The following C1RL variants were observed in gnomAD, a reference collection of about 807,000 sequenced individuals.
C1RL encodes complement C1r subcomponent-like protein.
A neutral mutation model predicts 27.9 loss-of-function variants in C1RL; 27 were observed. The ratio of observed to expected loss-of-function variants is 0.97; its 90% confidence interval spans 0.71 to 1.33. The LOEUF (loss-of-function observed/expected upper bound fraction) is 1.33, where lower values mean the gene tolerates loss of function less well. Ranked by LOEUF, C1RL falls within the 40% of genes most tolerant of loss-of-function variation. The pLI, the probability that C1RL is intolerant of heterozygous loss-of-function variation, is 0.00. For synonymous variants in C1RL, 248 were observed against 252.1 expected, an observed-to-expected ratio of 0.98 and a Z score of 0.15; for missense variants, 563 against 623.9, an observed-to-expected ratio of 0.90 and a Z score of 1.04.
At chr12:7,101,126 CTT>C (rs1938610104) in intron 3 of C1RL, among the ~76,000 whole-genome samples, 2 of 2,386 alleles carry the variant, frequency 8.4e-4, no homozygotes, top group African/African-American at 3.3e-3. Context: ...TCCCTCCCTC[CTT>C]CTTCCCTCCC....
Position 7,096,134 on chromosome 12 carries a change from C to T in C1RL, c.*257G>A, listed in dbSNP as rs1656159938. On this transcript the variant is annotated 3_prime_UTR_variant, in exon 6 of 6. Transcript: ENST00000266542. ...TTGAGATGTACAGGCTTCCCGGGGC[C>T]TAGTGCATGAGCACAGGGAGGTAGA... is the stretch of plus-strand genomic sequence containing the variant. The T allele has an allele frequency of 7.9e-7, 1 of 1,264,334 alleles. No homozygotes were observed. The highest frequency in any genetic ancestry group is 2.6e-5 in the South Asian group (1 of 38,720). The allele number at this position is 1,264,334 out of a possible 1,614,324, so 78.3% of individuals were successfully genotyped here. A position where few individuals can be genotyped will look rare whatever the true frequency, so the allele number is the denominator to read the frequency against.
chr12:7,106,025 A>G lies in C1RL; in HGVS notation c.300+2226T>C, dbSNP rs1401632897. On this transcript the variant is annotated intron_variant, in intron 2 of 5. Coordinates refer to ENST00000266542, the MANE Select transcript of C1RL (RefSeq NM_016546.4). The stretch of plus-strand genomic sequence containing the variant: ...CTGGAAATTATTTAAAAAATAGCAC[A>G]AGAACATTCCTAGAATTGAAGGACT... Among the ~76,000 whole-genome samples, 3 of 152,220 alleles carry G rather than the reference A, an allele frequency of 2.0e-5. No homozygotes were observed. The East Asian group carries it at 5.8e-4, about 29-fold the overall frequency.
intron 5 of C1RL, among the ~76,000 whole-genome samples, chr12:7,097,710 G>T (rs1016664002): frequency 6.6e-6 from 1 of 152,222 alleles, no homozygotes; most frequent in Non-Finnish European, 1.5e-5. Context: ...ACTGAGGGTA[G>T]GGAGCACAGA....
At position 7,104,450 on chromosome 12, in the gene C1RL, C is replaced by T. The variant is rs779882080; in HGVS notation, c.301-2363G>A. Among the ~76,000 whole-genome samples the T allele has an allele frequency of 3.9e-5, 6 of 152,186 alleles. No individual in the cohort carries two copies. The highest frequency in any genetic ancestry group is 1.3e-4 in the Admixed American group (2 of 15,278). On this transcript the variant is annotated intron_variant, in intron 2 of 5. Coordinates refer to ENST00000266542, the MANE Select transcript of C1RL (RefSeq NM_016546.4). This position sits in a 1 kb window ranked among gnomAD's most constrained non-coding sequence, Gnocchi z 5.4. Reference sequence around the variant, plus strand: ...ACGAGAAAAAATATTGCCCCGTGTCCGGGGCCACTCTCTGGGTGAAGTCTG... The same window carrying T: ...ACGAGAAAAAATATTGCCCCGTGTCTGGGGCCACTCTCTGGGTGAAGTCTG...
chr12:7,106,395 C>T (rs1366567920), intron 2 of C1RL, among the ~76,000 whole-genome samples: 1 of 152,132 alleles, frequency 6.6e-6, no homozygotes, highest in Non-Finnish European at 1.5e-5. Context: ...AAGGAAGCCA[C>T]TGGTGAAGGT....
intron 2 of C1RL, among the ~76,000 whole-genome samples, chr12:7,102,586 C>G (rs984268823): frequency 2.6e-5 from 4 of 152,218 alleles, no homozygotes; most frequent in African/African-American, 9.6e-5. Context: ...GAGTAACTTT[C>G]TTTGGCCAAC....
At chr12:7,107,572 T>C (rs932186826) in intron 2 of C1RL, among the ~76,000 whole-genome samples, 1 of 152,130 alleles carries the variant, frequency 6.6e-6, no homozygotes, top group Non-Finnish European at 1.5e-5. Context: ...ATTTATGTCA[T>C]TTTGATATAA....
chr12:7,108,767 G>T, intron 1 of C1RL: 1 of 557,836 alleles, frequency 1.8e-6, no homozygotes, highest in South Asian at 2.3e-5. Flanking sequence ...TCCAAAGGAG[G>T]GGGGTGCTTT....
rs1383922982 is a variant in C1RL, at chr12:7,108,486, G to T, written c.72-7C>A. On this transcript the variant is annotated splice_region_variant and splice_polypyrimidine_tract_variant and intron_variant, in intron 1 of 5. Coordinates refer to ENST00000266542, the MANE Select transcript of C1RL (RefSeq NM_016546.4). ...CCAGAGAAGCAGCCACCACCTGTGA[G>T]TTGGGGGGAGGGCAAGGTGGGGCCG... 3.2e-6 allele frequency: 5 copies of T among 1,575,892 alleles called. No homozygotes were observed. The Admixed American group carries it at 7.1e-5, about 22-fold the overall frequency.
At position 7,096,501 on chromosome 12, in the gene C1RL, C is replaced by T; in HGVS notation, c.1354G>A (p.Ala452Thr). The part of the protein sequence containing the change: ...VWDNHAHHWV[A>T]TGIVSWGIGC... The stretch of plus-strand genomic sequence containing the variant: ...ATGCCCCAGGACACAATGCCCGTGG[C>T]CACCCAGTGATGGGCATGATTGTCC... The change falls in exon 6 of 6, where the codon GCC (alanine) becomes ACC (threonine). Residue 452 changes from alanine (A) to threonine (T), a missense_variant. Transcript: ENST00000266542. The T allele has an allele frequency of 6.2e-7, 1 of 1,614,170 alleles. No homozygotes were observed. Among genetic ancestry groups the T allele is most frequent in the African/African-American group, 1.3e-5 (1 of 75,032 alleles).
At position 7,108,436 on chromosome 12, in the gene C1RL, G is replaced by C. The variant is rs1032475794; in HGVS notation, c.115C>G (p.Arg39Gly). The stretch of plus-strand genomic sequence containing the variant: ...TCTTGGGCCAAGAGGACGGAGCCCC[G>C]GGTTGGGCAAGCCTGGAGGACTCCC... ...LWGVLQACPT[R>G]GSVLLAQELP... is the part of the protein sequence containing the mutation. The change falls in exon 2 of 6, where the codon CGG (arginine) becomes GGG (glycine). Residue 39 changes from arginine (R) to glycine (G), a missense_variant. Transcript: ENST00000266542. 6 of 1,611,716 alleles carry C rather than the reference G, an allele frequency of 3.7e-6. No homozygotes were observed. In the African/African-American group the frequency reaches 8.0e-5, roughly 22 times the overall value.
intron 5 of C1RL, among the ~76,000 whole-genome samples, chr12:7,099,132 G>A (rs186560329): frequency 6.7e-6 from 1 of 148,932 alleles, no homozygotes; most frequent in East Asian, 2.0e-4. Context: ...GGCTGAGGCA[G>A]GAGAATCGCT....
chr12:7,096,304 C>A lies in C1RL; in HGVS notation c.*87G>T. ...CTCCCCCAACCCCCCACCCCCAACC[C>A]CTACCCCAGTGTTCAGTCCTCACTC... On this transcript the variant is annotated 3_prime_UTR_variant, in exon 6 of 6. Transcript: ENST00000266542. 7.7e-7 allele frequency: 1 copy of A among 1,304,948 alleles called. No homozygotes were observed. The highest frequency in any genetic ancestry group is 9.7e-7 in the Non-Finnish European group (1 of 1,026,376). The allele number at this position is 1,304,948 out of a possible 1,614,324, so 80.8% of individuals were successfully genotyped here. A position where few individuals can be genotyped will look rare whatever the true frequency, so the allele number is the denominator to read the frequency against.
rs1359240323 is a variant in C1RL at position 7,099,685 on chromosome 12, C to T, written c.691+1G>A. On this transcript the variant is annotated splice_donor_variant, in intron 5 of 5. Transcript: ENST00000266542. LOFTEE classifies it high-confidence loss of function. ...AATGGTGCTAGCAGGTGGCTACTCA[C>T]CAGGCATACACTGAAGAACCTCCTC... 2.9e-5 allele frequency: 45 copies of T among 1,552,614 alleles called. No homozygotes were observed. The highest frequency in any genetic ancestry group is 3.7e-5 in the Non-Finnish European group (42 of 1,147,450).
At chr12:7,101,480 G>GCT (rs1938624675) in intron 3 of C1RL, 1 of 209,798 alleles carries the variant, frequency 4.8e-6, no homozygotes, top group South Asian at 1.0e-4. Flanking sequence ...ATGTTGCCCA[G>GCT]GCTGGTCTCC....
chr12:7,107,526 A>C (rs1356989395), intron 2 of C1RL, among the ~76,000 whole-genome samples: 1 of 152,212 alleles, frequency 6.6e-6, no homozygotes, highest in African/African-American at 2.4e-5. Context: ...ATCCATAATA[A>C]TTAAAAATTT....
intron 3 of C1RL, chr12:7,101,697 T>C (rs1471870131): frequency 6.9e-6 from 4 of 581,340 alleles, no homozygotes; most frequent in South Asian, 4.4e-5. Context: ...TAAATCTGCA[T>C]GGAAACAACC....
In C1RL at chr12:7,096,424, G is replaced by C. The variant is rs559175952; in HGVS notation, c.1431C>G (p.Asp477Glu). The C allele has an allele frequency of 6.2e-6, 10 of 1,612,890 alleles. No individual in the cohort carries two copies. The highest frequency in any genetic ancestry group is 8.5e-6 in the Non-Finnish European group (10 of 1,179,418). The change falls in exon 6 of 6, where the codon GAC (aspartate) becomes GAG (glutamate). Residue 477 changes from aspartate (D) to glutamate (E), a missense_variant. By Grantham distance (45) the Asp-to-Glu change is conservative (BLOSUM62 2). Transcript: ENST00000266542. ...DFYTKVLSYV[D>E]WIKGVMNGKN ...TGCCATTCATCACTCCCTTGATCCA[G>C]TCCACATAGCTGAGCACCTTGGTGT...
intron 1 of C1RL, 26 bp from the exon 2 acceptor site, chr12:7,108,505 G>A (rs1341401013): frequency 6.5e-7 from 1 of 1,544,124 alleles, no homozygotes; most frequent in African/African-American, 1.4e-5. Context: ...AGGGCAAGGT[G>A]GGGCCGCGCA....
Sources: allele counts gnomAD v4.1 joint callset (sites outside exome capture counted in the v4.1 genomes callset), GRCh38; gene constraint gnomAD v4.1.1; non-coding constraint Gnocchi (gnomAD v3.1); transcripts MANE v1.5; gene names NCBI Gene and HGNC (gene_info 2026-07-23, HGNC 2026-07-21).